The following PELI2 variants were observed in gnomAD, a reference collection of about 807,000 sequenced individuals.
PELI2 encodes E3 ubiquitin-protein ligase pellino homolog 2.
Under a neutral mutation model 42.3 loss-of-function variants are expected in PELI2, and 23 were observed. The ratio of observed to expected loss-of-function variants is 0.54; its 90% CI spans 0.39 to 0.77. The LOEUF (loss-of-function observed/expected upper bound fraction) is 0.77, where lower values mean the gene tolerates loss of function less well. Ranked by LOEUF, PELI2 falls within the 30% of genes least tolerant of loss-of-function variation. PELI2 has a pLI of 0.00. For missense variants in PELI2, 463 were observed against 553.2 expected (o/e 0.84, Z 1.64); for synonymous variants, 245 against 212.2 (o/e 1.15, Z -1.34).
At chr14:56,200,664 C>A (rs371586527) in intron 2 of PELI2, among the ~76,000 whole-genome samples, 1 of 152,204 alleles carries the variant, frequency 6.6e-6, no homozygotes, top group Admixed American at 6.5e-5. Flanking sequence ...ATGCTGATGA[C>A]TGTAAGTGAA....
chr14:56,198,012 A>ACACACC (rs1555346662), intron 2 of PELI2, among the ~76,000 whole-genome samples: 4 of 117,582 alleles, frequency 3.4e-5, no homozygotes, highest in Non-Finnish European at 5.9e-5. Context: ...ACACACACAC[A>ACACACC]CCCACCTCTT....
At chr14:56,173,135 C>T (rs1282624751) in intron 1 of PELI2, among the ~76,000 whole-genome samples, 3 of 152,142 alleles carry the variant, frequency 2.0e-5, no homozygotes, top group Non-Finnish European at 4.4e-5. Flanking sequence ...CTCCATGCCT[C>T]CCCCCGGATG....
intron 2 of PELI2, among the ~76,000 whole-genome samples, chr14:56,250,704 G>A (rs1888314723): frequency 3.3e-5 from 5 of 152,114 alleles, no homozygotes; most frequent in Admixed American, 3.3e-4. Context: ...AGCTGCACTG[G>A]CAGCTGATTA....
At position 56,178,460 on chromosome 14, in the gene PELI2, C is replaced by T. The variant is rs1030340069; in HGVS notation, c.203C>T (p.Ser68Phe). 1.2e-6 allele frequency: 2 copies of T among 1,614,146 alleles called. No homozygotes were observed. Among genetic ancestry groups the T allele is most frequent in the African/African-American group, 1.3e-5 (1 of 75,048 alleles). ...TVHVISTPQA[S>F]KAISCKGQHS... ...CATGTGATATCCACGCCCCAGGCAT[C>T]CAAGGTAGGTGGGTCTGTCAAGAGT... is the stretch of plus-strand genomic sequence containing the variant. The change falls in exon 2 of 6, where the codon TCC becomes TTC. Residue 68 changes from serine to phenylalanine, a missense_variant. Physicochemically the swap from Ser to Phe is radical, Grantham distance 155. This residue lies in a region of PELI2 where 343 missense variants were observed against 378.4 expected (regional missense o/e 0.91). Coordinates refer to ENST00000267460, the MANE Select transcript of PELI2 (RefSeq NM_021255.3).
At chr14:56,278,419 AACAGTCACTCT>A (rs1889366111) in intron 2 of PELI2, among the ~76,000 whole-genome samples, 1 of 152,218 alleles carries the variant, frequency 6.6e-6, no homozygotes, top group South Asian at 2.1e-4. Flanking sequence ...GGCTTTCAAA[AACAGTCACTCT>A]CAGTGAATTT....
rs947114830 is a variant in PELI2, at chr14:56,132,250, G to A, written c.77+13513G>A. On this transcript the variant is annotated intron_variant, in intron 1 of 5. Transcript: ENST00000267460. The stretch of plus-strand genomic sequence containing the variant: ...TTGAAGTTCAGGAATTTGAATCCAG[G>A]TCTCAGATTCTAAAGCTCAAGTGTA... 2.6e-5 allele frequency among the ~76,000 whole-genome samples: 4 copies of A among 152,148 alleles called. No individual in the cohort carries two copies. The South Asian group carries it at 6.2e-4, about 24-fold the overall frequency.
chr14:56,192,503 C>T (rs1566629347), intron 2 of PELI2, among the ~76,000 whole-genome samples: 1 of 152,156 alleles, frequency 6.6e-6, no homozygotes, highest in Non-Finnish European at 1.5e-5. Flanking sequence ...ACACCAGTAC[C>T]ATCTCCTGTG....
At chr14:56,120,309 A>G (rs1239963470) in intron 1 of PELI2, among the ~76,000 whole-genome samples, 4 of 152,338 alleles carry the variant, frequency 2.6e-5, no homozygotes, top group East Asian at 1.9e-4. Context: ...TTGACGCGGA[A>G]GATTAACGTA....
Position 56,279,724 on chromosome 14 carries a change from A to G in PELI2, c.256A>G (p.Asn86Asp), listed in dbSNP as rs1040882160. 1.9e-6 allele frequency: 3 copies of G among 1,605,892 alleles called. No individual in the cohort carries two copies. The African/African-American group carries it at 4.0e-5, about 21-fold the overall frequency. The change falls in exon 3 of 6, where the codon AAT becomes GAT. Residue 86 changes from asparagine to aspartate, a missense_variant. Physicochemically the swap from Asn to Asp is conservative, Grantham distance 23. Transcript: ENST00000267460. Reference protein sequence around the residue: ...QHSISYTLSRNQTVVVEYTHD... With the variant: ...QHSISYTLSRDQTVVVEYTHD... The stretch of plus-strand genomic sequence containing the variant: ...CAGTATATCCTACACTTTGTCAAGG[A>G]ATCAGACTGTGGTGGTGGAGTACAC...
intron 2 of PELI2, among the ~76,000 whole-genome samples, chr14:56,265,483 A>C (rs1888868504): frequency 6.6e-6 from 1 of 152,156 alleles, no homozygotes; most frequent in Non-Finnish European, 1.5e-5. Flanking sequence ...CATGGATCAT[A>C]AAACTAAATA....
At chr14:56,212,723 T>C (rs1045322969) in intron 2 of PELI2, among the ~76,000 whole-genome samples, 6 of 152,206 alleles carry the variant, frequency 3.9e-5, no homozygotes, top group Non-Finnish European at 4.4e-5. Flanking sequence ...TTAAGACTCT[T>C]CATAACTCTT....
At chr14:56,264,083 G>T (rs1425390541) in intron 2 of PELI2, among the ~76,000 whole-genome samples, 6 of 152,186 alleles carry the variant, frequency 3.9e-5, no homozygotes, top group Non-Finnish European at 7.3e-5. Flanking sequence ...GTTATTTGTA[G>T]ATGTATGCAC....
intron 3 of PELI2, among the ~76,000 whole-genome samples, chr14:56,282,896 A>C (rs2139880768): frequency 6.6e-6 from 1 of 152,222 alleles, no homozygotes; most frequent in Non-Finnish European, 1.5e-5. Flanking sequence ...GTAGCAGTGA[A>C]GATTTTAAAG....
At chr14:56,218,144 TACC>T (rs1337813923) in intron 2 of PELI2, among the ~76,000 whole-genome samples, 3 of 152,238 alleles carry the variant, frequency 2.0e-5, no homozygotes, top group African/African-American at 7.2e-5. Context: ...GCCAGTGGTC[TACC>T]AAAGAAGAGA....
At chr14:56,118,784 C>T (rs1595528791) in intron 1 of PELI2, 47 bp downstream of exon 1, 1 of 1,302,886 alleles carries the variant, frequency 7.7e-7, no homozygotes, top group Non-Finnish European at 1.0e-6. Context: ...GGGCGGGGAG[C>T]GCCCGCATCC....
intron 2 of PELI2, among the ~76,000 whole-genome samples, chr14:56,274,994 A>G (rs941410036): frequency 6.6e-6 from 1 of 152,198 alleles, no homozygotes; most frequent in Non-Finnish European, 1.5e-5. Flanking sequence ...GCTAGTGAGA[A>G]GTAGGGAAGG....
chr14:56,155,986 AG>A (rs1216786225), intron 1 of PELI2, among the ~76,000 whole-genome samples: 1 of 152,170 alleles, frequency 6.6e-6, no homozygotes, highest in Non-Finnish European at 1.5e-5. Flanking sequence ...TTATTGATTA[AG>A]CTAAAACTTT....
intron 2 of PELI2, among the ~76,000 whole-genome samples, chr14:56,214,539 G>A (rs947520801): frequency 1.3e-5 from 2 of 152,016 alleles, no homozygotes; most frequent in Non-Finnish European, 2.9e-5. Flanking sequence ...TTATCAAGTG[G>A]TTTCTTCTTG....
chr14:56,236,480 C>T (rs977002083), intron 2 of PELI2, among the ~76,000 whole-genome samples: 12 of 152,356 alleles, frequency 7.9e-5, no homozygotes, highest in East Asian at 1.9e-4. Context: ...CATGCATATG[C>T]ATGCCTTTAG....
Sources: allele counts gnomAD v4.1 joint callset (sites outside exome capture counted in the v4.1 genomes callset), GRCh38; gene constraint gnomAD v4.1.1; regional missense constraint gnomAD v4.1.1; transcripts MANE v1.5; gene names NCBI Gene and HGNC (gene_info 2026-07-23, HGNC 2026-07-21).